The following ADCYAP1R1 variants were observed in gnomAD, a reference collection of about 807,000 sequenced individuals.
The protein encoded by ADCYAP1R1 is pituitary adenylate cyclase-activating polypeptide type I receptor.
ADCYAP1R1 carries 44 observed loss-of-function variants against 67.6 expected under a neutral mutation model. The ratio of observed to expected loss-of-function variants is 0.65; its 90% confidence interval spans 0.51 to 0.84. The LOEUF (loss-of-function observed/expected upper bound fraction) is 0.84. Among genes scored for constraint, ADCYAP1R1 ranks in the 40% least tolerant of loss-of-function variants. ADCYAP1R1 has a pLI of 0.00. For synonymous variants in ADCYAP1R1, 222 were observed against 219.6 expected (o/e 1.01, Z -0.10); for missense variants, 477 against 587.9 (o/e 0.81, Z 1.95).
intron 3 of ADCYAP1R1, 36 bp from the exon 4 acceptor site, chr7:31,077,952 TGTG>T: frequency 1.4e-6 from 2 of 1,441,928 alleles, no homozygotes; most frequent in Non-Finnish European, 1.9e-6. Context: ...TATGGGTGTG[TGTG>T]GCTGGCCCCT....
intron 3 of ADCYAP1R1, among the ~76,000 whole-genome samples, chr7:31,077,720 G>A (rs1795329500): frequency 6.7e-6 from 1 of 149,310 alleles, no homozygotes; most frequent in Non-Finnish European, 1.5e-5. Flanking sequence ...TGTGTAATGT[G>A]TGTGTGGTGT....
chr7:31,092,877 C>CT, intron 13 of ADCYAP1R1, 142 bp downstream of exon 13: 2 of 619,366 alleles, frequency 3.2e-6, no homozygotes, highest in Non-Finnish European at 5.5e-6. Context: ...GATTAAAGAG[C>CT]CTTTAATATA....
intron 12 of ADCYAP1R1, among the ~76,000 whole-genome samples, chr7:31,089,301 T>A (rs936969009): frequency 6.6e-6 from 1 of 152,160 alleles, no homozygotes; most frequent in African/African-American, 2.4e-5. Flanking sequence ...TGAAAATAAA[T>A]TTTGCTCTTT....
Position 31,106,949 on chromosome 7 carries a change from C to T in ADCYAP1R1, c.*265C>T, listed in dbSNP as rs1457059647. ...ATTTGGAAAAGTTGTCCCATCCCTT[C>T]CCCCTTTGCCCCAGTGTCCCTGCTC... On this transcript the variant is annotated 3_prime_UTR_variant, in exon 16 of 16. Coordinates refer to ENST00000304166, the MANE Select transcript of ADCYAP1R1 (RefSeq NM_001118.5). 2.2e-5 allele frequency: 10 copies of T among 444,512 alleles called. No homozygotes were observed. The highest frequency in any genetic ancestry group is 4.2e-5 in the Admixed American group (1 of 23,658). 27.5% of individuals were successfully genotyped at this position (444,512 alleles called of 1,614,324 possible). A position where few individuals can be genotyped will look rare whatever the true frequency, so the allele number is the denominator to read the frequency against.
At position 31,084,825 on chromosome 7, in the gene ADCYAP1R1, G is replaced by T. The variant is rs1284404979; in HGVS notation, c.527G>T (p.Cys176Phe). 5 of 1,614,096 alleles carry T rather than the reference G, an allele frequency of 3.1e-6. No homozygotes were observed. The South Asian group carries it at 3.3e-5, about 11-fold the overall frequency. Residue 176 changes from cysteine (C) to phenylalanine (F), a missense_variant, in exon 8 of 16, where the codon TGT (cysteine) becomes TTT (phenylalanine). Coordinates refer to ENST00000304166, the MANE Select transcript of ADCYAP1R1 (RefSeq NM_001118.5). ...VTLTTAMVIL[C>F]RFRKLHCTRN... Reference sequence around the variant, plus strand: ...CTCACCACTGCCATGGTCATCCTTTGTCGCTTCCGGTGAGACCCTCAGCAA... The same window carrying T: ...CTCACCACTGCCATGGTCATCCTTTTTCGCTTCCGGTGAGACCCTCAGCAA...
At chr7:31,099,953 C>T (rs753646800) in intron 13 of ADCYAP1R1, among the ~76,000 whole-genome samples, 16 of 152,198 alleles carry the variant, frequency 1.1e-4, no homozygotes, top group African/African-American at 3.4e-4. Context: ...TATAGGCGTG[C>T]GTTTCTCTGT....
chr7:31,090,500 A>G (rs1191278834), intron 12 of ADCYAP1R1, among the ~76,000 whole-genome samples: 37 of 152,190 alleles, frequency 2.4e-4, no homozygotes, highest in Admixed American at 2.3e-3. Flanking sequence ...AGTTATGGGT[A>G]CAATTGATCC....
At chr7:31,091,888 A>G (rs1304228337) in intron 12 of ADCYAP1R1, among the ~76,000 whole-genome samples, 3 of 151,740 alleles carry the variant, frequency 2.0e-5, no homozygotes, top group Non-Finnish European at 4.4e-5. Flanking sequence ...ATTTTTTATA[A>G]TTATTAATTT....
chr7:31,097,535 C>A (rs887245461), intron 13 of ADCYAP1R1, among the ~76,000 whole-genome samples: 1 of 152,158 alleles, frequency 6.6e-6, no homozygotes, highest in African/African-American at 2.4e-5. Context: ...CCAGTCCTCC[C>A]CCAAGCTGCT....
chr7:31,071,724 C>T (rs1485505308), intron 3 of ADCYAP1R1, among the ~76,000 whole-genome samples: 2 of 152,152 alleles, frequency 1.3e-5, no homozygotes, highest in Non-Finnish European at 2.9e-5. Context: ...GAAAAACCAT[C>T]CATGTCCGTG....
intron 3 of ADCYAP1R1, among the ~76,000 whole-genome samples, chr7:31,076,729 G>T (rs1469126410): frequency 6.6e-6 from 1 of 152,172 alleles, no homozygotes; most frequent in African/African-American, 2.4e-5. Context: ...GTCCCCTGCT[G>T]GGCCTGCCTT....
intron 3 of ADCYAP1R1, among the ~76,000 whole-genome samples, chr7:31,076,556 C>G (rs1453059477): frequency 6.6e-6 from 1 of 152,204 alleles, no homozygotes; most frequent in Non-Finnish European, 1.5e-5. Context: ...CCTCTCAGTT[C>G]GTCTGTCCCT....
At chr7:31,076,030 T>C (rs1199559527) in intron 3 of ADCYAP1R1, among the ~76,000 whole-genome samples, 2 of 152,150 alleles carry the variant, frequency 1.3e-5, no homozygotes, top group Admixed American at 1.3e-4. Context: ...TGGACTGCTG[T>C]GTTTGAATCA....
In ADCYAP1R1 at chr7:31,068,208, T is replaced by TGC. The variant is rs200836383; in HGVS notation, c.157+3279_157+3280dup. On this transcript the variant is annotated intron_variant, in intron 3 of 15. Coordinates refer to ENST00000304166, the MANE Select transcript of ADCYAP1R1 (RefSeq NM_001118.5). ...TGTCTCTCTCAGACACGCACGCATG[T>TGC]GCGCGCGCACACACACACACACACA... 3.3e-3 allele frequency among the ~76,000 whole-genome samples: 497 copies of TGC among 148,788 alleles called. 2 individuals carry two copies. The highest frequency in any genetic ancestry group is 0.011 in the African/African-American group (432 of 38,878).
At position 31,063,287 on chromosome 7, in the gene ADCYAP1R1, C is replaced by T. The variant is rs763874259; in HGVS notation, c.23C>T (p.Ser8Phe). The change falls in exon 2 of 16, where the codon TCC becomes TTC. Residue 8 changes from serine (S) to phenylalanine (F), a missense_variant. Physicochemically the swap from Ser to Phe is radical, Grantham distance 155. Coordinates refer to ENST00000304166, the MANE Select transcript of ADCYAP1R1 (RefSeq NM_001118.5). Reference sequence around the variant, plus strand: ...GTCATGGCTGGTGTCGTGCACGTTTCCCTGGCTGCTCTCCTCCTGCTGCCT... The same window carrying T: ...GTCATGGCTGGTGTCGTGCACGTTTTCCTGGCTGCTCTCCTCCTGCTGCCT... MAGVVHV[S>F]LAALLLLPMA... 1.2e-5 allele frequency: 20 copies of T among 1,614,060 alleles called. No individual in the cohort carries two copies. Among genetic ancestry groups the T allele is most frequent in the Non-Finnish European group, 5.9e-6 (7 of 1,180,026 alleles).
chr7:31,068,061 G>A (rs1183190673), intron 3 of ADCYAP1R1, among the ~76,000 whole-genome samples: 3 of 152,182 alleles, frequency 2.0e-5, no homozygotes, highest in East Asian at 1.9e-4. Flanking sequence ...GAGGGCAGAT[G>A]GAGAGTACAG....
Position 31,109,991 on chromosome 7 carries a change from G to A in ADCYAP1R1, c.*3307G>A, listed in dbSNP as rs1029662602. The A allele has an allele frequency of 1.3e-5, 2 of 152,122 alleles. No individual in the cohort carries two copies. The highest frequency in any genetic ancestry group is 4.8e-5 in the African/African-American group (2 of 41,338). 9.4% of individuals were successfully genotyped at this position (152,122 alleles called of 1,614,324 possible). A position where few individuals can be genotyped will look rare whatever the true frequency, so the allele number is the denominator to read the frequency against. ...CCACCCCCTCCAAGCTGGGTTCTTT[G>A]TGGAAGAAGGACAGGGAGCTAGAGC... On this transcript the variant is annotated 3_prime_UTR_variant, in exon 16 of 16. Transcript: ENST00000304166.
intron 3 of ADCYAP1R1, among the ~76,000 whole-genome samples, chr7:31,077,424 G>A (rs1439364375): frequency 2.2e-5 from 3 of 135,276 alleles, no homozygotes; most frequent in Non-Finnish European, 4.9e-5. Flanking sequence ...TGATGTGTGT[G>A]TGGTGTATAT....
At chr7:31,105,634 G>C (rs1037901733) in intron 15 of ADCYAP1R1, among the ~76,000 whole-genome samples, 2 of 152,218 alleles carry the variant, frequency 1.3e-5, no homozygotes, top group African/African-American at 2.4e-5. Flanking sequence ...ACCTTGGCAG[G>C]CTCCTCCCTC....
Sources: gnomAD v4.1 joint callset for allele counts (sites outside exome capture counted in the v4.1 genomes callset) on GRCh38, gnomAD v4.1.1 for gene constraint, MANE v1.5 for transcripts, NCBI Gene and HGNC (gene_info 2026-07-23, HGNC 2026-07-21) for gene names.